Variants in CFAP46 observed in about 807,000 individuals in gnomAD.
CFAP46 encodes the protein cilia and flagella associated protein 46, also known as cilia- and flagella-associated protein 46.
In CFAP46, 245 loss-of-function variants were observed where a neutral mutation model predicts 325.7. That is an observed-to-expected ratio of 0.75 (90% CI 0.68 to 0.84). CFAP46 has a LOEUF of 0.84. Ranked by LOEUF, CFAP46 falls within the 40% of genes least tolerant of loss-of-function variation. CFAP46 has a pLI of 0.00. For synonymous variants in CFAP46, 1,523 were observed against 1,495.9 expected, an observed-to-expected ratio of 1.02 and a Z score of -0.42; for missense variants, 3,346 against 3,543.0, an observed-to-expected ratio of 0.94 and a Z score of 1.41.
chr10:132,913,081 G>T lies in CFAP46; in HGVS notation c.2298C>A (p.His766Gln). ...RQKELVDALY[H>Q]LLSIVKATGH... ...CTGTGGCCTTAACGATGCTCAGGAG[G>T]TGGTACAGGGCGTCCACCAGCTCCT... The change falls in exon 18 of 58, where the codon CAC (histidine) becomes CAA (glutamine). Residue 766 changes from histidine to glutamine, a missense_variant. Physicochemically the swap from His to Gln is conservative, Grantham distance 24. Coordinates refer to ENST00000368586, the MANE Select transcript of CFAP46 (RefSeq NM_001200049.3). The T allele has an allele frequency of 6.5e-7, 1 of 1,550,334 alleles. No individual in the cohort carries two copies. Among genetic ancestry groups the T allele is most frequent in the Non-Finnish European group, 8.7e-7 (1 of 1,146,956 alleles).
At chr10:132,911,824 C>A (rs1226453243) in intron 19 of CFAP46, among the ~76,000 whole-genome samples, 2 of 152,070 alleles carry the variant, frequency 1.3e-5, no homozygotes, top group African/African-American at 4.8e-5. Flanking sequence ...CCGTTCCAAT[C>A]CGCCGTTTCT....
intron 54 of CFAP46, 58 bp downstream of exon 54, chr10:132,814,094 C>T (rs1847639228): frequency 2.1e-6 from 3 of 1,430,120 alleles, no homozygotes; most frequent in Non-Finnish European, 2.9e-6. Flanking sequence ...CAGTGGCTCC[C>T]CGCTGGACCC....
chr10:132,892,069 A>G (rs758513516), intron 25 of CFAP46, among the ~76,000 whole-genome samples: 4 of 152,174 alleles, frequency 2.6e-5, no homozygotes, highest in Non-Finnish European at 5.9e-5. Context: ...TCCAATAGTT[A>G]CAGAGTTTGA....
chr10:132,817,213 C>T lies in CFAP46; in HGVS notation c.7118-2299G>A, dbSNP rs1456106217. 1.3e-5 allele frequency among the ~76,000 whole-genome samples: 2 copies of T among 152,174 alleles called. No individual in the cohort carries two copies. Among genetic ancestry groups the T allele is most frequent in the Non-Finnish European group, 2.9e-5 (2 of 68,030 alleles). Reference sequence around the variant, plus strand: ...TCTGAGGAGGCGAACTTTCGATTCTCATGATGTCCATGTCCCTAATAATGC... The same window carrying T: ...TCTGAGGAGGCGAACTTTCGATTCTTATGATGTCCATGTCCCTAATAATGC... On this transcript the variant is annotated intron_variant, in intron 50 of 57. Transcript: ENST00000368586. The surrounding 1 kb of genome is among the most constrained non-coding windows in gnomAD (Gnocchi z 4.4).
At chr10:132,823,053 G>GTT (rs1847915736) in intron 50 of CFAP46, among the ~76,000 whole-genome samples, 1 of 136,848 alleles carries the variant, frequency 7.3e-6, no homozygotes. Flanking sequence ...TGTGCTGTGT[G>GTT]CTGTGAGTGC....
Position 132,835,411 on chromosome 10 carries a change from C to T in CFAP46, c.6637G>A (p.Ala2213Thr). The T allele has an allele frequency of 6.2e-7, 1 of 1,613,520 alleles. No homozygotes were observed. Among genetic ancestry groups the T allele is most frequent in the South Asian group, 1.1e-5 (1 of 91,078 alleles). Reference sequence around the variant, plus strand: ...TGGGAGAAGGCAGTGGGACTTATGGCCAGACGCATCACCTTGCAGGAGCCT... The same window carrying T: ...TGGGAGAAGGCAGTGGGACTTATGGTCAGACGCATCACCTTGCAGGAGCCT... ...VGGSCKVMRL[A>T]ISPTAFSHLL... Residue 2213 changes from alanine to threonine, a missense_variant, in exon 47 of 58, where the codon GCC becomes ACC. Coordinates refer to ENST00000368586, the MANE Select transcript of CFAP46 (RefSeq NM_001200049.3).
At chr10:132,815,221 C>T (rs144779196) in intron 50 of CFAP46, among the ~76,000 whole-genome samples, 1 of 152,236 alleles carries the variant, frequency 6.6e-6, no homozygotes, top group Non-Finnish European at 1.5e-5. Context: ...GGGCCCCTCA[C>T]TGGTTCCAGG....
In CFAP46 at chr10:132,834,781, G is replaced by A. The variant is rs527297981; in HGVS notation, c.6745-6C>T. The A allele has an allele frequency of 2.4e-5, 38 of 1,607,764 alleles. No individual in the cohort carries two copies. Among genetic ancestry groups the A allele is most frequent in the African/African-American group, 4.0e-5 (3 of 74,820 alleles). ...ACCTGCAGGCCTTCTGGTTCCTACC[G>A]CAATCCAAAAAAGAGGCCCCCGTAG... On this transcript the variant is annotated splice_region_variant and splice_polypyrimidine_tract_variant and intron_variant, in intron 47 of 57. Coordinates refer to ENST00000368586, the MANE Select transcript of CFAP46 (RefSeq NM_001200049.3).
At position 132,809,512 on chromosome 10, in the gene CFAP46, G is replaced by A. The variant is rs2134737969; in HGVS notation, c.7665-608C>T. On this transcript the variant is annotated intron_variant, in intron 57 of 57. Coordinates refer to ENST00000368586, the MANE Select transcript of CFAP46 (RefSeq NM_001200049.3). ...TCCCCCAACAAGCAGGGATCCTTGGGACCGGTATCCCCGGACCGTGGACCA... is the reference window on the plus strand; with the variant it reads ...TCCCCCAACAAGCAGGGATCCTTGGAACCGGTATCCCCGGACCGTGGACCA... Among the ~76,000 whole-genome samples, 2 of 152,260 alleles carry A rather than the reference G, an allele frequency of 1.3e-5. 1 individual carries two copies. Among genetic ancestry groups the A allele is most frequent in the African/African-American group, 4.8e-5 (2 of 41,560 alleles).
intron 4 of CFAP46, 150 bp from the exon 5 acceptor site, chr10:132,938,903 T>C: frequency 1.5e-6 from 1 of 679,196 alleles, no homozygotes; most frequent in Non-Finnish European, 2.4e-6. Context: ...CTGAGAAGCT[T>C]TGGCCCAGCC....
intron 27 of CFAP46, among the ~76,000 whole-genome samples, chr10:132,883,584 G>A (rs1564789108): frequency 6.6e-6 from 1 of 152,236 alleles, no homozygotes; most frequent in Non-Finnish European, 1.5e-5. Flanking sequence ...CCCACACAGG[G>A]CGACCGTGTG....
At chr10:132,912,326 CT>C (rs1849556656) in intron 19 of CFAP46, among the ~76,000 whole-genome samples, 1 of 136,078 alleles carries the variant, frequency 7.3e-6, no homozygotes. Flanking sequence ...CTTCTCCTCT[CT>C]TCTTCTCTCT....
rs377751099 is a variant in CFAP46, at chr10:132,857,602, C to T, written c.5562G>A (p.Leu1854=). Residue 1854 remains leucine (L), a synonymous_variant, in exon 39 of 58, where the codon TTG becomes TTA. Transcript: ENST00000368586. ...GACACCTGCTTACGTCTTGAAGTGA[C>T]AATAGGCCCTGGACGCTGTGAAGCC... ...EGRLHSVQGL[L]SLQDLQNVNT... The T allele has an allele frequency of 6.8e-6, 11 of 1,613,336 alleles. No individual in the cohort carries two copies. The highest frequency in any genetic ancestry group is 1.7e-4 in the Middle Eastern group (1 of 6,038).
chr10:132,820,447 T>C (rs889813391), intron 50 of CFAP46, among the ~76,000 whole-genome samples: 7 of 152,140 alleles, frequency 4.6e-5, no homozygotes, highest in Admixed American at 2.0e-4. Flanking sequence ...AGCGCTGATG[T>C]GTGCTGTGTG....
chr10:132,924,799 C>T lies in CFAP46; in HGVS notation c.1153G>A (p.Ala385Thr), dbSNP rs768005068. The change falls in exon 11 of 58, where the codon GCC becomes ACC. Residue 385 changes from alanine to threonine, a missense_variant. Ala to Thr is a moderately conservative substitution (Grantham distance 58, BLOSUM62 0). Transcript: ENST00000368586. ...GGCAGGCAGGTGTTCCACTGCGTGGCGCACACCACGTGGATGACCCGGGGG... is the reference window on the plus strand; with the variant it reads ...GGCAGGCAGGTGTTCCACTGCGTGGTGCACACCACGTGGATGACCCGGGGG... ...GDPRVIHVVC[A>T]TQWNTCLPLL... 147 of 1,506,868 alleles carry T rather than the reference C, an allele frequency of 9.8e-5. No homozygotes were observed. Among genetic ancestry groups the T allele is most frequent in the Non-Finnish European group, 1.2e-4 (140 of 1,126,612 alleles). The allele number at this position is 1,506,868 out of a possible 1,614,324, so 93.3% of individuals were successfully genotyped here. A position where few individuals can be genotyped will look rare whatever the true frequency, so the allele number is the denominator to read the frequency against.
Position 132,934,836 on chromosome 10 carries a change from C to T in CFAP46, c.782G>A (p.Gly261Asp). Reference protein sequence around the residue: ...KAKAEQNDLPGDISVILRKAY... With the variant: ...KAKAEQNDLPDDISVILRKAY... ...CTTCCTCAGAATGACACTGATGTCA[C>T]CTGGTAAATCATTTTGCTCCGCTTT... Residue 261 changes from glycine (G) to aspartate (D), a missense_variant, in exon 8 of 58, where the codon GGT becomes GAT. Gly to Asp is a moderately conservative substitution (Grantham distance 94). Transcript: ENST00000368586. The T allele has an allele frequency of 1.9e-6, 3 of 1,608,836 alleles. No homozygotes were observed. The highest frequency in any genetic ancestry group is 2.6e-6 in the Non-Finnish European group (3 of 1,175,400).
chr10:132,909,152 G>T lies in CFAP46; in HGVS notation c.2742C>A (p.Val914=). ...GGACACCTACCTGGGCCAGGGAGGG[G>T]ACAGTGAAGTCCATGAGGCCCAGCC... is the stretch of plus-strand genomic sequence containing the variant. ...CNGLGLMDFT[V]PSLAQLVKMA... is the part of the protein sequence containing the mutation. The change falls in exon 21 of 58, where the codon GTC becomes GTA. Residue 914 remains valine (V), a synonymous_variant. Coordinates refer to ENST00000368586, the MANE Select transcript of CFAP46 (RefSeq NM_001200049.3). 6.5e-7 allele frequency: 1 copy of T among 1,549,466 alleles called. No individual in the cohort carries two copies. Among genetic ancestry groups the T allele is most frequent in the Non-Finnish European group, 8.7e-7 (1 of 1,146,692 alleles).
Position 132,851,297 on chromosome 10 carries a change from G to A in CFAP46, c.5583C>T (p.Asn1861=), listed in dbSNP as rs369156503. 54 of 1,613,492 alleles carry A rather than the reference G, an allele frequency of 3.3e-5. No individual in the cohort carries two copies. Among genetic ancestry groups the A allele is most frequent in the Non-Finnish European group, 4.1e-5 (48 of 1,179,800 alleles). The change falls in exon 40 of 58, where the codon AAC becomes AAT. Residue 1861 remains asparagine, a synonymous_variant. Coordinates refer to ENST00000368586, the MANE Select transcript of CFAP46 (RefSeq NM_001200049.3). Reference sequence around the variant, plus strand: ...GCTTCCTCATCAGGGGCGTGTTGACGTTCTGCAACTGAGGGGGTCAGGCAT... The same window carrying A: ...GCTTCCTCATCAGGGGCGTGTTGACATTCTGCAACTGAGGGGGTCAGGCAT... ...QGLLSLQDLQ[N]VNTPLMRKLA...
intron 32 of CFAP46, among the ~76,000 whole-genome samples, chr10:132,870,196 G>A (rs773990854): frequency 2.6e-5 from 4 of 152,142 alleles, no homozygotes; most frequent in African/African-American, 9.7e-5. Flanking sequence ...GAACTGAGTC[G>A]ATAAATGTCC....
Sources: allele counts gnomAD v4.1 joint callset (sites outside exome capture counted in the v4.1 genomes callset), GRCh38; gene constraint gnomAD v4.1.1; non-coding constraint Gnocchi (gnomAD v3.1); transcripts MANE v1.5; gene names NCBI Gene and HGNC (gene_info 2026-07-23, HGNC 2026-07-21).